The following NT5C2 variants were observed in gnomAD, a reference collection of about 807,000 sequenced individuals.
The protein encoded by NT5C2 is 5'-nucleotidase, cytosolic II.
NT5C2 carries 58 observed loss-of-function variants against 76.1 expected under a neutral mutation model. That is an observed-to-expected ratio of 0.76 (90% CI 0.62 to 0.95). The LOEUF is 0.95. Ranked by LOEUF, NT5C2 falls within the 40% of genes least tolerant of loss-of-function variation. The pLI is 0.00. For synonymous variants in NT5C2, 229 were observed against 237.4 expected, an observed-to-expected ratio of 0.96 and a Z score of 0.32; for missense variants, 478 against 690.3, an observed-to-expected ratio of 0.69 and a Z score of 3.45.
intron 1 of NT5C2, among the ~76,000 whole-genome samples, chr10:103,187,382 A>AAAAAT (rs1200552679): frequency 1.3e-5 from 2 of 151,876 alleles, no homozygotes; most frequent in South Asian, 2.1e-4. Context: ...CATCTCTACT[A>AAAAAT]AAAATAAAAT....
At chr10:103,133,051 G>A (rs547074637) in intron 4 of NT5C2, among the ~76,000 whole-genome samples, 2 of 152,318 alleles carry the variant, frequency 1.3e-5, no homozygotes, top group South Asian at 4.1e-4. Context: ...TGTTGTGGGA[G>A]GGACCCAGTG....
At chr10:103,134,852 A>C (rs1299221661) in intron 4 of NT5C2, among the ~76,000 whole-genome samples, 1 of 152,198 alleles carries the variant, frequency 6.6e-6, no homozygotes, top group Non-Finnish European at 1.5e-5. Context: ...CATCAGCAAG[A>C]CCTGGATGTG....
chr10:103,147,616 A>C (rs1461514316), intron 3 of NT5C2, among the ~76,000 whole-genome samples: 1 of 152,222 alleles, frequency 6.6e-6, no homozygotes, highest in African/African-American at 2.4e-5. Context: ...CCCTGTTTTG[A>C]CACTTACTAT....
At chr10:103,119,634 A>G (rs2075239156) in intron 4 of NT5C2, among the ~76,000 whole-genome samples, 1 of 152,212 alleles carries the variant, frequency 6.6e-6, no homozygotes, top group African/African-American at 2.4e-5. Flanking sequence ...CATTCCTTTC[A>G]GAGACCTCTC....
At chr10:103,128,276 G>A (rs980460195) in intron 4 of NT5C2, among the ~76,000 whole-genome samples, 94 of 150,764 alleles carry the variant, frequency 6.2e-4, no homozygotes, top group African/African-American at 2.0e-3. Flanking sequence ...TGTGTTGGCC[G>A]GGCCGGTCTC....
chr10:103,172,159 G>C (rs1259979762), intron 3 of NT5C2, among the ~76,000 whole-genome samples: 1 of 151,998 alleles, frequency 6.6e-6, no homozygotes, highest in South Asian at 2.1e-4. Context: ...GCAGTGAGCT[G>C]AGACCGCGCC....
intron 3 of NT5C2, among the ~76,000 whole-genome samples, chr10:103,171,914 A>T (rs529236280): frequency 1.0e-3 from 156 of 152,120 alleles, no homozygotes; most frequent in African/African-American, 3.4e-3. Flanking sequence ...ATTTTTTTTT[A>T]AAATACAGGT....
chr10:103,098,825 A>G, intron 10 of NT5C2, 106 bp downstream of exon 10: 1 of 812,538 alleles, frequency 1.2e-6, no homozygotes, highest in Non-Finnish European at 2.0e-6. Flanking sequence ...CTATGCCAAG[A>G]CAAATCTCTT....
intron 3 of NT5C2, among the ~76,000 whole-genome samples, chr10:103,163,393 G>A (rs189156304): frequency 2.0e-5 from 3 of 152,224 alleles, no homozygotes; most frequent in Admixed American, 6.5e-5. Context: ...CTCTGTTCAC[G>A]AGCAATGTAT....
At position 103,090,602 on chromosome 10, in the gene NT5C2, T is replaced by G; in HGVS notation, c.1449+9A>C. On this transcript the variant is annotated intron_variant, in intron 18 of 18. Transcript: ENST00000404739. ...TACATCTTGGCTGTCCATTACAGCT[T>G]TAACTCACCAAGACATGGGCAGCCC... The G allele has an allele frequency of 6.2e-7, 1 of 1,611,018 alleles. No homozygotes were observed. Among genetic ancestry groups the G allele is most frequent in the Non-Finnish European group, 8.5e-7 (1 of 1,178,322 alleles).
intron 4 of NT5C2, among the ~76,000 whole-genome samples, chr10:103,120,426 T>A (rs1430695956): frequency 6.6e-6 from 1 of 152,242 alleles, no homozygotes; most frequent in Non-Finnish European, 1.5e-5. Flanking sequence ...AAGATTAATA[T>A]GCAGAATGTG....
intron 12 of NT5C2, among the ~76,000 whole-genome samples, chr10:103,095,404 A>C (rs1165389051): frequency 6.6e-6 from 1 of 152,218 alleles, no homozygotes; most frequent in Non-Finnish European, 1.5e-5. Context: ...TAGGACTAAA[A>C]TTCTGTAAGT....
At chr10:103,192,758 G>T (rs970204310) in intron 1 of NT5C2, among the ~76,000 whole-genome samples, 2 of 152,134 alleles carry the variant, frequency 1.3e-5, no homozygotes, top group African/African-American at 4.8e-5. Context: ...GGGCGGGGAG[G>T]CTTTTACAAG....
At chr10:103,107,238 C>T (rs945186842) in intron 4 of NT5C2, among the ~76,000 whole-genome samples, 1 of 152,150 alleles carries the variant, frequency 6.6e-6, no homozygotes, top group Non-Finnish European at 1.5e-5. Context: ...CATATTTGTT[C>T]CACTTGTTAG....
chr10:103,168,550 G>T (rs141675897), intron 3 of NT5C2, among the ~76,000 whole-genome samples: 125 of 152,236 alleles, frequency 8.2e-4, no homozygotes, highest in African/African-American at 2.8e-3. Context: ...CCTCTTTCAG[G>T]TCACTATGAC....
chr10:103,089,436 T>C lies in NT5C2; in HGVS notation c.*236A>G. 1.9e-6 allele frequency: 1 copy of C among 519,040 alleles called. No homozygotes were observed. Among genetic ancestry groups the C allele is most frequent in the Non-Finnish European group, 3.0e-6 (1 of 328,392 alleles). 32.2% of individuals were successfully genotyped at this position (519,040 alleles called of 1,614,324 possible). ...ATATACATGCAGTTCAGCCTGATTT[T>C]ACCCTTATTTTCTTCTAATACAGAC... On this transcript the variant is annotated 3_prime_UTR_variant, in exon 19 of 19. Transcript: ENST00000404739.
chr10:103,089,097 T>C lies in NT5C2; in HGVS notation c.*575A>G, dbSNP rs2066074856. ...GCCCTAAAGCAACGCAAGTAGAGCA[T>C]ACTTCTGTGCAAAGCCAGTGATAGA... On this transcript the variant is annotated 3_prime_UTR_variant, in exon 19 of 19. Coordinates refer to ENST00000404739, the MANE Select transcript of NT5C2 (RefSeq NM_001351169.2). 1.3e-5 allele frequency: 3 copies of C among 226,546 alleles called. No individual in the cohort carries two copies. The highest frequency in any genetic ancestry group is 2.6e-5 in the Non-Finnish European group (3 of 113,850). The allele number at this position is 226,546 out of a possible 1,614,324, so 14.0% of individuals were successfully genotyped here. A position where few individuals can be genotyped will look rare whatever the true frequency, so the allele number is the denominator to read the frequency against.
intron 1 of NT5C2, among the ~76,000 whole-genome samples, chr10:103,191,947 C>A (rs1156406022): frequency 6.6e-6 from 1 of 150,514 alleles, no homozygotes; most frequent in Non-Finnish European, 1.5e-5. Context: ...TGAACTTAAC[C>A]TTTTTTGTTC....
At chr10:103,169,789 T>A (rs1405012959) in intron 3 of NT5C2, among the ~76,000 whole-genome samples, 1 of 151,986 alleles carries the variant, frequency 6.6e-6, no homozygotes, top group Non-Finnish European at 1.5e-5. Flanking sequence ...AAAACCAGCT[T>A]GGACAACATA....
Sources: gnomAD v4.1 joint callset for allele counts (sites outside exome capture counted in the v4.1 genomes callset) on GRCh38, gnomAD v4.1.1 for gene constraint, MANE v1.5 for transcripts, NCBI Gene and HGNC (gene_info 2026-07-23, HGNC 2026-07-21) for gene names.